DLGAP1: variants seen among roughly 807,000 people sequenced by gnomAD.
DLGAP1 encodes the protein disks large-associated protein 1.
DLGAP1 carries 11 observed loss-of-function variants against 90.8 expected under a neutral mutation model. The ratio of observed to expected loss-of-function variants is 0.12; its 90% CI spans 0.08 to 0.20. The LOEUF is 0.20. Ranked by LOEUF, DLGAP1 falls within the 10% of genes least tolerant of loss-of-function variation. The probability of loss-of-function intolerance (pLI) is 1.00; values close to 1 mark genes in which losing one functional copy is unlikely to be tolerated. For synonymous variants in DLGAP1, 558 were observed against 540.7 expected (o/e 1.03, Z -0.44); for missense variants, 1,050 against 1,333.8 (o/e 0.79, Z 3.31).
intron 7 of DLGAP1, among the ~76,000 whole-genome samples, chr18:3,664,217 C>A (rs2059797046): frequency 1.2e-5 from 1 of 86,232 alleles, no homozygotes; most frequent in Non-Finnish European, 2.4e-5. Flanking sequence ...CACACACACA[C>A]CCACACACAC....
intron 1 of DLGAP1, among the ~76,000 whole-genome samples, chr18:4,251,166 G>C (rs1056853850): frequency 2.6e-5 from 4 of 152,192 alleles, no homozygotes; most frequent in Non-Finnish European, 5.9e-5. Flanking sequence ...GCATTTGAGA[G>C]AGGGAGAGAT....
chr18:3,662,099 A>T (rs75961743), intron 7 of DLGAP1, among the ~76,000 whole-genome samples: 35 of 118,542 alleles, frequency 3.0e-4, no homozygotes, highest in South Asian at 8.7e-4. Context: ...TTAAAAATTT[A>T]AAAAAAAAAT....
rs568795050 is a variant in DLGAP1 at position 3,848,122 on chromosome 18, C to T, written c.957+30990G>A. 1.7e-4 allele frequency among the ~76,000 whole-genome samples: 8 copies of T among 46,034 alleles called. No homozygotes were observed. The South Asian group carries it at 4.3e-3, about 25-fold the overall frequency. 30.2% of individuals were successfully genotyped at this position (46,034 alleles called of 152,430 possible). On this transcript the variant is annotated intron_variant, in intron 4 of 12. Transcript: ENST00000315677. ...CAGCCTGGATGATGGAGCAAGGCCC[C>T]GTCTCAAAAAAAAAAAAAAAAAAAA...
chr18:3,989,020 G>A (rs1292454856), intron 3 of DLGAP1, among the ~76,000 whole-genome samples: 1 of 152,166 alleles, frequency 6.6e-6, no homozygotes, highest in Admixed American at 6.5e-5. Flanking sequence ...TCACAGGCCC[G>A]GCTGCTCCCT....
chr18:3,789,236 A>G (rs1643978618), intron 5 of DLGAP1, among the ~76,000 whole-genome samples: 1 of 152,234 alleles, frequency 6.6e-6, no homozygotes, highest in South Asian at 2.1e-4. Flanking sequence ...AGAAGATATA[A>G]TTAACAGACT....
chr18:3,828,299 T>A (rs2067832793), intron 4 of DLGAP1, among the ~76,000 whole-genome samples: 7 of 152,186 alleles, frequency 4.6e-5, no homozygotes, highest in Admixed American at 4.6e-4. Flanking sequence ...CATGTTCTTG[T>A]ACATCAGCCT....
chr18:3,710,659 A>C (rs1186698159), intron 7 of DLGAP1, among the ~76,000 whole-genome samples: 1 of 152,236 alleles, frequency 6.6e-6, no homozygotes, highest in Non-Finnish European at 1.5e-5. Context: ...TTTGGCTGGA[A>C]TTGAGATGAC....
intron 3 of DLGAP1, among the ~76,000 whole-genome samples, chr18:3,940,576 GAA>G (rs2072746676): frequency 6.6e-6 from 1 of 151,808 alleles, no homozygotes; most frequent in South Asian, 2.1e-4. Flanking sequence ...CCTTCTATTG[GAA>G]AAAGTGTTAA....
intron 3 of DLGAP1, among the ~76,000 whole-genome samples, chr18:3,933,975 T>C (rs985970832): frequency 7.2e-5 from 11 of 152,300 alleles, no homozygotes; most frequent in East Asian, 3.9e-4. Context: ...CTCGAGGTCA[T>C]TGGAGGCCAT....
chr18:4,185,577 G>C (rs2077279309), intron 1 of DLGAP1, among the ~76,000 whole-genome samples: 1 of 152,050 alleles, frequency 6.6e-6, no homozygotes, highest in South Asian at 2.1e-4. Context: ...TCCTGTAAAG[G>C]ACTTGATTTC....
At chr18:3,814,361 ATTTTTTTTT>A in intron 4 of DLGAP1, 88 bp from the exon 5 acceptor site, 1 of 879,906 alleles carries the variant, frequency 1.1e-6, no homozygotes, top group Non-Finnish European at 1.6e-6. Flanking sequence ...TAACATTTCT[ATTTTTTTTT>A]TTTTTTTTTG....
intron 1 of DLGAP1, among the ~76,000 whole-genome samples, chr18:4,427,635 C>A (rs1048864486): frequency 2.0e-5 from 3 of 152,108 alleles, no homozygotes; most frequent in Non-Finnish European, 4.4e-5. Context: ...AGAGACAAAT[C>A]AACAAAGGCA....
intron 1 of DLGAP1, among the ~76,000 whole-genome samples, chr18:4,329,518 A>G (rs1213818814): frequency 1.3e-5 from 2 of 151,914 alleles, no homozygotes; most frequent in Non-Finnish European, 2.9e-5. Flanking sequence ...TGGTCAATCT[A>G]CTATAATGTT....
chr18:4,229,907 C>T (rs932360635), intron 1 of DLGAP1, among the ~76,000 whole-genome samples: 6 of 151,928 alleles, frequency 3.9e-5, no homozygotes, highest in Admixed American at 1.3e-4. Flanking sequence ...AGATTAATGA[C>T]CAGAATATAT....
At position 4,333,583 on chromosome 18, in the gene DLGAP1, G is replaced by A. The variant is rs562766534; in HGVS notation, c.-267+121423C>T. On this transcript the variant is annotated intron_variant, in intron 1 of 12. Coordinates refer to ENST00000315677, the MANE Select transcript of DLGAP1 (RefSeq NM_004746.4). Reference sequence around the variant, plus strand: ...CTTTGGAACCCGGTATCAGTGCCATGCATGTATGAAAGGCGCTCAAGACAT... The same window carrying A: ...CTTTGGAACCCGGTATCAGTGCCATACATGTATGAAAGGCGCTCAAGACAT... Among the ~76,000 whole-genome samples the A allele has an allele frequency of 1.3e-4, 19 of 150,078 alleles. No individual in the cohort carries two copies. In the East Asian group the frequency reaches 3.7e-3, roughly 29 times the overall value.
At chr18:4,248,875 T>C (rs1245352507) in intron 1 of DLGAP1, among the ~76,000 whole-genome samples, 3 of 152,190 alleles carry the variant, frequency 2.0e-5, no homozygotes, top group African/African-American at 7.2e-5. Flanking sequence ...CACATCCTTG[T>C]CCATCACTCC....
intron 2 of DLGAP1, among the ~76,000 whole-genome samples, chr18:4,086,775 T>C (rs145193966): frequency 6.6e-6 from 1 of 152,152 alleles, no homozygotes; most frequent in Non-Finnish European, 1.5e-5. Context: ...TCTTTTTAAG[T>C]CAGGTCAAGT....
intron 2 of DLGAP1, among the ~76,000 whole-genome samples, chr18:4,078,125 G>A (rs1722327874): frequency 6.6e-6 from 1 of 151,728 alleles, no homozygotes; most frequent in Non-Finnish European, 1.5e-5. Flanking sequence ...AGGGAAATAA[G>A]TTACTAAAGC....
chr18:4,216,291 A>AC lies in DLGAP1; in HGVS notation c.-266-65005dup, dbSNP rs11334039. Among the ~76,000 whole-genome samples, 753 of 146,298 alleles carry AC rather than the reference A, an allele frequency of 5.1e-3. 3 individuals carry two copies. The highest frequency in any genetic ancestry group is 8.2e-3 in the African/African-American group (323 of 39,494). On this transcript the variant is annotated intron_variant, in intron 1 of 12. Coordinates refer to ENST00000315677, the MANE Select transcript of DLGAP1 (RefSeq NM_004746.4). ...GTGTAACCGCTCTCGTGATTAAATT[A>AC]CCCCCCCCCCACCAGGTCCCTCCCA...
Sources: allele counts gnomAD v4.1 joint callset (sites outside exome capture counted in the v4.1 genomes callset), GRCh38; gene constraint gnomAD v4.1.1; transcripts MANE v1.5; gene names NCBI Gene and HGNC (gene_info 2026-07-23, HGNC 2026-07-21).